Variants in LRRC37A2 observed in about 807,000 individuals in gnomAD.
LRRC37A2 encodes leucine-rich repeat-containing protein 37A2.
A neutral mutation model predicts 68.8 loss-of-function variants in LRRC37A2; 9 were observed. The observed-to-expected ratio is 0.13, with a 90% CI of 0.08 to 0.23. The LOEUF is 0.23. Among genes scored for constraint, LRRC37A2 ranks in the 10% least tolerant of loss-of-function variants. The pLI is 1.00. For synonymous variants in LRRC37A2, 63 were observed against 367.6 expected (o/e 0.17, Z 9.48); for missense variants, 168 against 950.4 (o/e 0.18, Z 10.82).
At chr17:46,883,940 G>A in the LRRC37A2 span, among the ~76,000 whole-genome samples, 1 of 152,136 alleles carries the variant, frequency 6.6e-6, no homozygotes, top group East Asian at 1.9e-4. Flanking sequence ...GCTCTCTTGG[G>A]CCCATTAGTG....
chr17:46,573,234 T>C, the LRRC37A2 span, among the ~76,000 whole-genome samples: 3 of 49,046 alleles, frequency 6.1e-5, no homozygotes, highest in Admixed American at 2.2e-4. Context: ...ATAATGATGG[T>C]AGGGGCAGGG....
the LRRC37A2 span, among the ~76,000 whole-genome samples, chr17:46,712,455 T>C: frequency 6.6e-6 from 1 of 152,244 alleles, no homozygotes; most frequent in Non-Finnish European, 1.5e-5. Context: ...CCCTGGGTTC[T>C]GGCATACATA....
chr17:46,729,033 T>A, the LRRC37A2 span: 3 of 747,074 alleles, frequency 4.0e-6, no homozygotes, highest in Non-Finnish European at 4.2e-6. Flanking sequence ...ATCATAAACA[T>A]AAAATTCTGT....
chr17:46,936,471 T>A, the LRRC37A2 span: 4 of 985,288 alleles, frequency 4.1e-6, no homozygotes, highest in Non-Finnish European at 3.6e-6. Flanking sequence ...AACTTTCCTC[T>A]GCACACCTGT....
At chr17:46,973,756 A>T in the LRRC37A2 span, among the ~76,000 whole-genome samples, 4 of 148,112 alleles carry the variant, frequency 2.7e-5, no homozygotes, top group Middle Eastern at 3.2e-3. Flanking sequence ...ATCTGCACTC[A>T]AGAGATACTA....
the LRRC37A2 span, among the ~76,000 whole-genome samples, chr17:46,751,101 A>T: frequency 4.6e-5 from 7 of 152,182 alleles, no homozygotes; most frequent in Admixed American, 3.9e-4. Flanking sequence ...TATCTATATG[A>T]TAAATGTTTT....
At chr17:46,666,059 C>T in the LRRC37A2 span, among the ~76,000 whole-genome samples, 1 of 150,018 alleles carries the variant, frequency 6.7e-6, no homozygotes, top group East Asian at 1.9e-4. Flanking sequence ...GTGTGCTCCC[C>T]AAGAAAGGGC....
At chr17:46,811,377 G>A in the LRRC37A2 span, among the ~76,000 whole-genome samples, 1 of 152,324 alleles carries the variant, frequency 6.6e-6, no homozygotes, top group African/African-American at 2.4e-5. Context: ...TGCACCCAGC[G>A]GCATTGGGGT....
At chr17:46,787,338 C>G in the LRRC37A2 span, among the ~76,000 whole-genome samples, 1 of 152,156 alleles carries the variant, frequency 6.6e-6, no homozygotes, top group Non-Finnish European at 1.5e-5. Context: ...CCTGGAAGGG[C>G]TTTAGGAGCA....
the LRRC37A2 span, among the ~76,000 whole-genome samples, chr17:46,657,384 A>G: frequency 2.0e-5 from 3 of 152,234 alleles, no homozygotes; most frequent in African/African-American, 7.2e-5. Flanking sequence ...TGAGAAACTA[A>G]TAGACAAGGT....
the LRRC37A2 span, among the ~76,000 whole-genome samples, chr17:46,854,735 A>T: frequency 6.6e-6 from 1 of 152,016 alleles, no homozygotes; most frequent in Admixed American, 6.6e-5. Context: ...ATCTCGGCTC[A>T]CTGCAACCGC....
the LRRC37A2 span, chr17:46,874,858 A>G: frequency 1.6e-6 from 1 of 638,294 alleles, no homozygotes; most frequent in East Asian, 2.8e-5. Flanking sequence ...GATTAGGGGC[A>G]CGAGCCACTG....
the LRRC37A2 span, among the ~76,000 whole-genome samples, chr17:46,858,932 G>A: frequency 6.6e-6 from 1 of 151,538 alleles, no homozygotes; most frequent in East Asian, 1.9e-4. Context: ...CTCTCAAACT[G>A]CTGGGATTAT....
chr17:46,488,461 CTTTGGG>C, the LRRC37A2 span, among the ~76,000 whole-genome samples: 4 of 66,254 alleles, frequency 6.0e-5, no homozygotes, highest in African/African-American at 1.9e-4. Context: ...AATCCTAGCA[CTTTGGG>C]AGGCTGAGGC....
the LRRC37A2 span, among the ~76,000 whole-genome samples, chr17:46,739,649 A>T: frequency 6.6e-6 from 1 of 152,102 alleles, no homozygotes; most frequent in African/African-American, 2.4e-5. Flanking sequence ...CTAAAAAAAA[A>T]AATAAATTTT....
At chr17:46,923,987 CAACAT>C in the LRRC37A2 span, 1 of 397,004 alleles carries the variant, frequency 2.5e-6, no homozygotes, top group Admixed American at 4.4e-5. Flanking sequence ...AAAATATACA[CAACAT>C]AAGATTTACT....
At chr17:46,891,918 C>CA in the LRRC37A2 span, among the ~76,000 whole-genome samples, 1 of 71,816 alleles carries the variant, frequency 1.4e-5, no homozygotes, top group African/African-American at 5.4e-5. Context: ...CTTTTCTTTT[C>CA]TTTTTTTTTT....
the LRRC37A2 span, among the ~76,000 whole-genome samples, chr17:46,757,902 G>C: frequency 1.3e-5 from 2 of 151,876 alleles, no homozygotes; most frequent in Non-Finnish European, 2.9e-5. Flanking sequence ...GCTGAGGCAG[G>C]AGAATTGCTT....
At chr17:46,912,372 C>CT in the LRRC37A2 span, among the ~76,000 whole-genome samples, 2 of 152,238 alleles carry the variant, frequency 1.3e-5, no homozygotes, top group African/African-American at 4.8e-5. Context: ...CTCAGGGCTG[C>CT]TGGTAGGGGT....
Sources: gnomAD v4.1 joint callset for allele counts (sites outside exome capture counted in the v4.1 genomes callset) on GRCh38, gnomAD v4.1.1 for gene constraint, MANE v1.5 for transcripts, NCBI Gene and HGNC (gene_info 2026-07-23, HGNC 2026-07-21) for gene names.